The following KLHL29 variants were observed in gnomAD, a reference collection of about 807,000 sequenced individuals.
KLHL29 encodes kelch-like protein 29.
KLHL29 carries 21 observed loss-of-function variants against 80.4 expected under a neutral mutation model. The ratio of observed to expected loss-of-function variants is 0.26; its 90% CI spans 0.19 to 0.38. KLHL29 has a LOEUF of 0.38. Among genes scored for constraint, KLHL29 ranks in the 10% least tolerant of loss-of-function variants. The pLI is 1.00. For missense variants in KLHL29, 867 were observed against 1,223.9 expected (o/e 0.71, Z 4.35); for synonymous variants, 511 against 526.8 (o/e 0.97, Z 0.41).
At chr2:23,493,515 G>A (rs949256939) in intron 2 of KLHL29, among the ~76,000 whole-genome samples, 1 of 152,136 alleles carries the variant, frequency 6.6e-6, no homozygotes, top group African/African-American at 2.4e-5. Flanking sequence ...GTTTCATAAA[G>A]CAGTGAATAC....
At chr2:23,541,769 AAAC>A (rs949153484) in intron 2 of KLHL29, among the ~76,000 whole-genome samples, 13 of 150,000 alleles carry the variant, frequency 8.7e-5, no homozygotes, top group African/African-American at 3.3e-4. Flanking sequence ...CCAACCCAAA[AAAC>A]AAAAAAAAAA....
chr2:23,571,985 G>A (rs866450417), intron 3 of KLHL29, among the ~76,000 whole-genome samples: 3 of 152,194 alleles, frequency 2.0e-5, no homozygotes, highest in South Asian at 2.1e-4. Flanking sequence ...AGTGACCTTC[G>A]TGAGTACCCT....
At position 23,449,296 on chromosome 2, in the gene KLHL29, T is replaced by C. The variant is rs188587142; in HGVS notation, c.-153-26264T>C. Reference sequence around the variant, plus strand: ...TGAGGACTGATTTTGATGGTGTCTATCTAATGGCTATTGACTGGTTGTATC... The same window carrying C: ...TGAGGACTGATTTTGATGGTGTCTACCTAATGGCTATTGACTGGTTGTATC... On this transcript the variant is annotated intron_variant, in intron 1 of 13. Coordinates refer to ENST00000486442, the MANE Select transcript of KLHL29 (RefSeq NM_052920.2). 6.6e-4 allele frequency among the ~76,000 whole-genome samples: 100 copies of C among 152,354 alleles called. 1 individual carries two copies. Among genetic ancestry groups the C allele is most frequent in the African/African-American group, 2.1e-3 (89 of 41,586 alleles).
chr2:23,502,930 C>G (rs1239664429), intron 2 of KLHL29, among the ~76,000 whole-genome samples: 1 of 152,226 alleles, frequency 6.6e-6, no homozygotes, highest in African/African-American at 2.4e-5. Context: ...AAAATTCTAG[C>G]AGGACTCAGG....
intron 1 of KLHL29, among the ~76,000 whole-genome samples, chr2:23,395,781 T>C (rs1181012809): frequency 6.6e-6 from 1 of 151,376 alleles, no homozygotes; most frequent in East Asian, 1.9e-4. Context: ...GAAACTCCGA[T>C]TGCATTCAAC....
chr2:23,552,761 C>CTTTTTTTTCT (rs1553338053), intron 2 of KLHL29, among the ~76,000 whole-genome samples: 1 of 95,576 alleles, frequency 1.0e-5, no homozygotes, highest in African/African-American at 4.7e-5. Context: ...GGTTTCTTTT[C>CTTTTTTTTCT]TTTTTTTTTT....
chr2:23,573,767 A>G (rs1709321), intron 3 of KLHL29, among the ~76,000 whole-genome samples: 151,182 of 152,338 alleles, frequency 0.99, 75,023 homozygotes, highest in East Asian at 1. Flanking sequence ...GTGGGGTGGT[A>G]CAGATAGCAC....
Position 23,642,495 on chromosome 2 carries a change from C to T in KLHL29, c.585C>T (p.Pro195=), listed in dbSNP as rs1214694927. Residue 195 remains proline (P), a synonymous_variant, in exon 5 of 14, where the codon CCC becomes CCT. Coordinates refer to ENST00000486442, the MANE Select transcript of KLHL29 (RefSeq NM_052920.2). ...VTPSLPPHVG[P]QLPLMPGHYS... is the part of the protein sequence containing the mutation. ...CCTCACTGCCTCCCCACGTGGGGCC[C>T]CAGCTCCCGCTGATGCCAGGCCACT... is the stretch of plus-strand genomic sequence containing the variant. 3 of 1,519,420 alleles carry T rather than the reference C, an allele frequency of 2.0e-6. No individual in the cohort carries two copies. Among genetic ancestry groups the T allele is most frequent in the Non-Finnish European group, 2.7e-6 (3 of 1,127,152 alleles). 94.1% of individuals were successfully genotyped at this position (1,519,420 alleles called of 1,614,324 possible).
chr2:23,683,849 T>G (rs1237818857), intron 5 of KLHL29, among the ~76,000 whole-genome samples: 3 of 152,072 alleles, frequency 2.0e-5, no homozygotes, highest in Non-Finnish European at 4.4e-5. Flanking sequence ...AGGCCTCCCA[T>G]GGCCCCCTCC....
At chr2:23,630,405 C>T (rs1488422319) in intron 3 of KLHL29, among the ~76,000 whole-genome samples, 1 of 152,180 alleles carries the variant, frequency 6.6e-6, no homozygotes, top group African/African-American at 2.4e-5. Flanking sequence ...TCCTGCCATC[C>T]CAGAGCACAT....
chr2:23,635,948 G>A (rs934211382), intron 3 of KLHL29, among the ~76,000 whole-genome samples: 2 of 152,238 alleles, frequency 1.3e-5, no homozygotes, highest in African/African-American at 4.8e-5. Context: ...GGTTTTCGTG[G>A]CATTCTTGTG....
intron 1 of KLHL29, among the ~76,000 whole-genome samples, chr2:23,465,599 C>T (rs1283359046): frequency 6.6e-6 from 1 of 152,212 alleles, no homozygotes; most frequent in African/African-American, 2.4e-5. Flanking sequence ...CAAAAGCGTC[C>T]TCAGTTGGCT....
At chr2:23,575,557 T>C (rs1377771815) in intron 3 of KLHL29, among the ~76,000 whole-genome samples, 1 of 152,154 alleles carries the variant, frequency 6.6e-6, no homozygotes, top group African/African-American at 2.4e-5. Context: ...CCCTCCCCAG[T>C]CTCACAATTG....
intron 1 of KLHL29, among the ~76,000 whole-genome samples, chr2:23,422,868 C>T (rs1662862897): frequency 6.6e-6 from 1 of 152,246 alleles, no homozygotes; most frequent in Non-Finnish European, 1.5e-5. Context: ...TGCCGCTGTG[C>T]TCCTCCAGGA....
At chr2:23,522,845 C>T (rs1666148672) in intron 2 of KLHL29, among the ~76,000 whole-genome samples, 1 of 152,202 alleles carries the variant, frequency 6.6e-6, no homozygotes, top group Admixed American at 6.5e-5. Flanking sequence ...CCTGCTGCCG[C>T]CACAGAGTTT....
chr2:23,457,434 G>A lies in KLHL29; in HGVS notation c.-153-18126G>A, dbSNP rs560366445. On this transcript the variant is annotated intron_variant, in intron 1 of 13. Transcript: ENST00000486442. This position sits in a 1 kb window ranked among gnomAD's most constrained non-coding sequence, Gnocchi z 4.3. ...TGATTCTGATCCATTAAGTGGTTTT[G>A]GCATGGTTCTGGGGCCCTTCCCCTC... 1.4e-4 allele frequency among the ~76,000 whole-genome samples: 21 copies of A among 152,126 alleles called. No homozygotes were observed. The highest frequency in any genetic ancestry group is 2.6e-4 in the Non-Finnish European group (18 of 68,026).
At chr2:23,643,141 C>T (rs1363363380) in intron 5 of KLHL29, 6 of 562,400 alleles carry the variant, frequency 1.1e-5, no homozygotes, top group Middle Eastern at 2.7e-4. Context: ...CAGCCCAAGC[C>T]CTGGCCATTC....
intron 1 of KLHL29, among the ~76,000 whole-genome samples, chr2:23,450,521 C>T (rs962548670): frequency 3.3e-5 from 5 of 152,004 alleles, no homozygotes; most frequent in Non-Finnish European, 1.5e-5. Context: ...GGGGCTGCCC[C>T]CAAGACTTCA....
chr2:23,480,401 T>C (rs772274277), intron 2 of KLHL29, among the ~76,000 whole-genome samples: 5 of 151,986 alleles, frequency 3.3e-5, no homozygotes, highest in Non-Finnish European at 7.4e-5. Flanking sequence ...GCAGGAGAGT[T>C]GCTTGAAAGT....
Sources: allele counts gnomAD v4.1 joint callset (sites outside exome capture counted in the v4.1 genomes callset), GRCh38; gene constraint gnomAD v4.1.1; non-coding constraint Gnocchi (gnomAD v3.1); transcripts MANE v1.5; gene names NCBI Gene and HGNC (gene_info 2026-07-23, HGNC 2026-07-21).